Variants in ACACB observed in about 807,000 individuals in gnomAD.
ACACB encodes the protein acetyl-CoA carboxylase 2.
In ACACB, 209 loss-of-function variants were observed where a neutral mutation model predicts 278.8. The observed-to-expected ratio is 0.75, with a 90% CI of 0.67 to 0.84. The LOEUF (loss-of-function observed/expected upper bound fraction) is 0.84. Ranked by LOEUF, ACACB falls within the 40% of genes least tolerant of loss-of-function variation. The probability of loss-of-function intolerance (pLI) is 0.00; values close to 1 mark genes in which losing one functional copy is unlikely to be tolerated. For synonymous variants in ACACB, 1,174 were observed against 1,285.6 expected (o/e 0.91, Z 1.86); for missense variants, 2,850 against 3,269.0 (o/e 0.87, Z 3.13).
At chr12:109,243,897 T>TATATATATATA (rs1565965174) in intron 37 of ACACB, among the ~76,000 whole-genome samples, 22 of 147,448 alleles carry the variant, frequency 1.5e-4, no homozygotes, top group African/African-American at 5.4e-4. Context: ...ATATATATAT[T>TATATATATATA]TATTTATTTA....
chr12:109,265,246 G>T lies in ACACB; in HGVS notation c.7079G>T (p.Arg2360Leu). The T allele has an allele frequency of 6.2e-7, 1 of 1,613,486 alleles. No individual in the cohort carries two copies. The highest frequency in any genetic ancestry group is 2.2e-5 in the East Asian group (1 of 44,866). ...CACGTGCATATCCAGTCCATGCTGC[G>T]TCGCTGGTTCGTGGAGACGGAGGGG... ...LSHVHIQSML[R>L]RWFVETEGAV... Residue 2360 changes from arginine (R) to leucine (L), a missense_variant, in exon 51 of 53, where the codon CGT becomes CTT. Arg to Leu is a moderately radical substitution (Grantham distance 102). This residue lies in a region of ACACB where 579 missense variants were observed against 684.6 expected (regional missense o/e 0.85). Coordinates refer to ENST00000338432, the MANE Select transcript of ACACB (RefSeq NM_001093.4).
At chr12:109,228,480 A>G (rs1461290722) in intron 28 of ACACB, among the ~76,000 whole-genome samples, 1 of 151,866 alleles carries the variant, frequency 6.6e-6, no homozygotes, top group Non-Finnish European at 1.5e-5. Context: ...CAACTTGGTG[A>G]AACCCCATCT....
chr12:109,246,299 CT>C lies in ACACB; in HGVS notation c.5424del (p.Leu1809CysfsTer56). ...TGGATCCTTTGGCCCTGGAGAGGACCTTCTGTACCTGCGGGCATCCGAGATG... is the reference window on the plus strand; with the variant it reads ...TGGATCCTTTGGCCCTGGAGAGGACCTCTGTACCTGCGGGCATCCGAGATG... ...RIGSFGPGED[L>X]LYLRASEMAR... On this transcript the variant is annotated frameshift_variant, in exon 39 of 53. Coordinates refer to ENST00000338432, the MANE Select transcript of ACACB (RefSeq NM_001093.4). LOFTEE classifies it high-confidence loss of function. The C allele has an allele frequency of 6.2e-7, 1 of 1,612,166 alleles. No homozygotes were observed. Among genetic ancestry groups the C allele is most frequent in the Non-Finnish European group, 8.5e-7 (1 of 1,179,624 alleles).
At chr12:109,134,867 C>T (rs2042929356) in intron 1 of ACACB, among the ~76,000 whole-genome samples, 1 of 152,164 alleles carries the variant, frequency 6.6e-6, no homozygotes, top group South Asian at 2.1e-4. Flanking sequence ...TACTATAATG[C>T]ACAGGACAGC....
chr12:109,177,577 T>TG (rs1190846031), intron 9 of ACACB, among the ~76,000 whole-genome samples: 1 of 152,118 alleles, frequency 6.6e-6, no homozygotes, highest in African/African-American at 2.4e-5. Context: ...GGGATTTGGG[T>TG]GGGGGGAAGA....
chr12:109,232,513 G>A (rs565465626), intron 28 of ACACB, among the ~76,000 whole-genome samples, 156 bp from the exon 29 acceptor site: 6 of 152,254 alleles, frequency 3.9e-5, no homozygotes, highest in African/African-American at 7.2e-5. Flanking sequence ...CTCAGGCCCC[G>A]GCCCCAGCCA....
intron 2 of ACACB, among the ~76,000 whole-genome samples, chr12:109,165,929 A>G (rs1189852813): frequency 6.6e-6 from 1 of 152,194 alleles, no homozygotes; most frequent in Non-Finnish European, 1.5e-5. Context: ...TCTGGTGTGG[A>G]GGGACAGAGC....
chr12:109,253,923 C>A (rs2047159876), intron 43 of ACACB, among the ~76,000 whole-genome samples: 2 of 152,072 alleles, frequency 1.3e-5, no homozygotes, highest in Admixed American at 1.3e-4. Context: ...CCTATCTGAC[C>A]ATATATAGCA....
upstream of ACACB, among the ~76,000 whole-genome samples, chr12:109,112,333 G>A (rs951910859): frequency 1.4e-5 from 2 of 144,472 alleles, no homozygotes; most frequent in Non-Finnish European, 3.0e-5. Flanking sequence ...TAGTCATGTG[G>A]TGACACTTTA....
chr12:109,130,700 C>T (rs564113694), intron 1 of ACACB, among the ~76,000 whole-genome samples: 2 of 152,346 alleles, frequency 1.3e-5, no homozygotes, highest in South Asian at 4.1e-4. Context: ...CAGTCAGCCT[C>T]TTACGCCCCA....
chr12:109,233,261 T>C (rs1191421640), intron 29 of ACACB, among the ~76,000 whole-genome samples: 2 of 152,266 alleles, frequency 1.3e-5, no homozygotes, highest in African/African-American at 4.8e-5. Flanking sequence ...GATAATATAG[T>C]GACTAAATGT....
chr12:109,222,752 C>T lies in ACACB; in HGVS notation c.3679-47C>T, dbSNP rs748798158. 70 of 1,571,952 alleles carry T rather than the reference C, an allele frequency of 4.5e-5. 2 individuals are homozygous for T. The Admixed American group carries it at 9.6e-4, about 21-fold the overall frequency. On this transcript the variant is annotated intron_variant, in intron 25 of 52. Transcript: ENST00000338432. ...CCCGTGCCCGAGCCTCTGCCTTCTGCCCTGGGAGGTTGGCTCACGCCAGCG... is the reference window on the plus strand; with the variant it reads ...CCCGTGCCCGAGCCTCTGCCTTCTGTCCTGGGAGGTTGGCTCACGCCAGCG...
intron 38 of ACACB, 49 bp from the exon 39 acceptor site, chr12:109,246,130 C>T (rs1293347355): frequency 2.6e-6 from 4 of 1,553,964 alleles, no homozygotes; most frequent in South Asian, 2.5e-5. Context: ...AAAAAGTTTT[C>T]CCCCAAAGAA....
intron 2 of ACACB, among the ~76,000 whole-genome samples, chr12:109,166,392 C>T (rs1360218554): frequency 1.3e-5 from 2 of 151,966 alleles, no homozygotes; most frequent in East Asian, 3.9e-4. Context: ...TAGCTGGCCT[C>T]TTAAGGTGCT....
Position 109,227,428 on chromosome 12 carries a change from C to T in ACACB, c.3940C>T (p.Leu1314Phe), listed in dbSNP as rs1328049549. 1 of 1,613,548 alleles carries T rather than the reference C, an allele frequency of 6.2e-7. No individual in the cohort carries two copies. The highest frequency in any genetic ancestry group is 2.2e-5 in the East Asian group (1 of 44,878). ...YELNSLQHRQ[L>F]PDGTCVVEFQ... Reference sequence around the variant, plus strand: ...GTTAAACAGCCTGCAGCACCGGCAGCTCCCGGACGGCACCTGCGTGGTAGA... The same window carrying T: ...GTTAAACAGCCTGCAGCACCGGCAGTTCCCGGACGGCACCTGCGTGGTAGA... Residue 1314 changes from leucine to phenylalanine, a missense_variant, in exon 28 of 53, where the codon CTC becomes TTC. Physicochemically the swap from Leu to Phe is conservative, Grantham distance 22 (BLOSUM62 0). Around this residue, in one of 3 missense-constraint regions of ACACB, gnomAD observed 2,265 missense variants for 2,561.3 expected, o/e 0.88. Transcript: ENST00000338432.
At chr12:109,238,432 T>A (rs2046698281) in intron 34 of ACACB, among the ~76,000 whole-genome samples, 1 of 133,282 alleles carries the variant, frequency 7.5e-6, no homozygotes, top group African/African-American at 2.8e-5. Context: ...ATATAATATA[T>A]TATATAATAT....
intron 34 of ACACB, among the ~76,000 whole-genome samples, chr12:109,237,770 G>A (rs1267677409): frequency 6.6e-6 from 1 of 152,086 alleles, no homozygotes; most frequent in Non-Finnish European, 1.5e-5. Context: ...CCAGTACTTT[G>A]GGAGGCTGAG....
At chr12:109,140,442 A>C (rs943241729) in intron 2 of ACACB, among the ~76,000 whole-genome samples, 1 of 152,046 alleles carries the variant, frequency 6.6e-6, no homozygotes, top group Non-Finnish European at 1.5e-5. Context: ...AGATCACTTG[A>C]GGTCGGGAGT....
chr12:109,218,551 A>C (rs553885051), intron 24 of ACACB, among the ~76,000 whole-genome samples: 2 of 152,032 alleles, frequency 1.3e-5, no homozygotes, highest in African/African-American at 4.8e-5. Context: ...ATAACTAAAA[A>C]TATTTTTCTT....
Sources: allele counts gnomAD v4.1 joint callset (sites outside exome capture counted in the v4.1 genomes callset), GRCh38; gene constraint gnomAD v4.1.1; regional missense constraint gnomAD v4.1.1; transcripts MANE v1.5; gene names NCBI Gene and HGNC (gene_info 2026-07-23, HGNC 2026-07-21).